Variants in TSPAN32 observed in about 807,000 individuals in gnomAD.
TSPAN32 encodes the protein tetraspanin-32.
Under a neutral mutation model 42.7 loss-of-function variants are expected in TSPAN32, and 47 were observed. The observed-to-expected ratio is 1.10, with a 90% CI of 0.87 to 1.40. The LOEUF (loss-of-function observed/expected upper bound fraction) is 1.40. Ranked by LOEUF, TSPAN32 falls within the 40% of genes most tolerant of loss-of-function variation. The pLI is 0.00. For missense variants in TSPAN32, 469 were observed against 424.1 expected, an observed-to-expected ratio of 1.11 and a Z score of -0.93; for synonymous variants, 175 against 175.9, an observed-to-expected ratio of 0.99 and a Z score of 0.04.
intron 3 of TSPAN32, among the ~76,000 whole-genome samples, chr11:2,305,767 T>C (rs1371490828): frequency 6.6e-6 from 1 of 152,160 alleles, no homozygotes; most frequent in East Asian, 1.9e-4. Context: ...CCCAACTGGA[T>C]GCCTGCACTG....
intron 6 of TSPAN32, 43 bp downstream of exon 6, chr11:2,314,614 G>A: frequency 6.6e-7 from 1 of 1,522,088 alleles, no homozygotes; most frequent in Non-Finnish European, 9.0e-7. Flanking sequence ...GACCCTCGGG[G>A]GCTGGACACC....
chr11:2,315,160 T>TGCCCCCC, intron 6 of TSPAN32: 1 of 646,458 alleles, frequency 1.5e-6, no homozygotes, highest in Non-Finnish European at 2.1e-6. Context: ...CCGGCAGCCC[T>TGCCCCCC]CCCCCAGCCC....
At position 2,302,868 on chromosome 11, in the gene TSPAN32, A is replaced by G; in HGVS notation, c.91A>G (p.Met31Val). The change falls in exon 2 of 10, where the codon ATG becomes GTG. Residue 31 changes from methionine to valine, a missense_variant. Met to Val is a conservative substitution (Grantham distance 21, BLOSUM62 1). Coordinates refer to ENST00000182290, the MANE Select transcript of TSPAN32 (RefSeq NM_139022.3). ...GCTGCTGGGCCTCTCTGTGGCCACC[A>G]TGGTGACTCTTACCTACTTCGGGGC... ...ILLLGLSVAT[M>V]VTLTYFGAHF... 1 of 1,613,560 alleles carries G rather than the reference A, an allele frequency of 6.2e-7. No individual in the cohort carries two copies.
intron 6 of TSPAN32, chr11:2,315,160 T>TACCCCC: frequency 1.2e-5 from 8 of 646,458 alleles, no homozygotes; most frequent in Non-Finnish European, 1.7e-5. Flanking sequence ...CCGGCAGCCC[T>TACCCCC]CCCCCAGCCC....
At position 2,314,648 on chromosome 11, in the gene TSPAN32, G is replaced by A. The variant is rs1268756698; in HGVS notation, c.543+77G>A. The A allele has an allele frequency of 4.1e-6, 5 of 1,223,988 alleles. No individual in the cohort carries two copies. In the Admixed American group the frequency reaches 8.0e-5, roughly 20 times the overall value. The allele number at this position is 1,223,988 out of a possible 1,614,324, so 75.8% of individuals were successfully genotyped here. A position where few individuals can be genotyped will look rare whatever the true frequency, so the allele number is the denominator to read the frequency against. On this transcript the variant is annotated intron_variant, in intron 6 of 9. Coordinates refer to ENST00000182290, the MANE Select transcript of TSPAN32 (RefSeq NM_139022.3). ...CCCTGGGGCCCAACCCCAAGACCCA[G>A]GGCCATCCTCCCACCCCACCCCTTG... is the stretch of plus-strand genomic sequence containing the variant.
chr11:2,317,351 G>C lies in TSPAN32; in HGVS notation c.727G>C (p.Gly243Arg). The change falls in exon 9 of 10, where the codon GGC (glycine) becomes CGC (arginine). Residue 243 changes from glycine to arginine, a missense_variant. Gly to Arg is a moderately radical substitution (Grantham distance 125). Coordinates refer to ENST00000182290, the MANE Select transcript of TSPAN32 (RefSeq NM_139022.3). The surrounding 1 kb of genome is among the most constrained non-coding windows in gnomAD (Gnocchi z 6.2). ...GATCCCCTTGCTCCTCAGAGCATGT[G>C]GCCGCCAGCCCCAGGAGCCCAGCCT... is the stretch of plus-strand genomic sequence containing the variant. ...GKYTLTPRAC[G>R]RQPQEPSLLR... 6.3e-7 allele frequency: 1 copy of C among 1,589,786 alleles called. No homozygotes were observed. The highest frequency in any genetic ancestry group is 8.6e-7 in the Non-Finnish European group (1 of 1,168,338).
At chr11:2,307,614 G>A (rs932354142) in intron 3 of TSPAN32, among the ~76,000 whole-genome samples, 1 of 152,314 alleles carries the variant, frequency 6.6e-6, no homozygotes, top group East Asian at 1.9e-4. Context: ...TGTATCGGGG[G>A]CATCTGTATG....
intron 4 of TSPAN32, among the ~76,000 whole-genome samples, chr11:2,311,129 G>T (rs901466349): frequency 1.3e-5 from 2 of 152,186 alleles, no homozygotes. Flanking sequence ...TGAACACAGG[G>T]TCAGGGTGAC....
At position 2,313,306 on chromosome 11, in the gene TSPAN32, G is replaced by A. The variant is rs528176585; in HGVS notation, c.355-348G>A. On this transcript the variant is annotated intron_variant, in intron 4 of 9. Coordinates refer to ENST00000182290, the MANE Select transcript of TSPAN32 (RefSeq NM_139022.3). This position sits in a 1 kb window ranked among gnomAD's most constrained non-coding sequence, Gnocchi z 9.1. The stretch of plus-strand genomic sequence containing the variant: ...AGGCCCAGCCCCATCCCCCATTTCC[G>A]GGTCAACAGTAGCGTGCTGGAAACT... 4.3e-4 allele frequency among the ~76,000 whole-genome samples: 66 copies of A among 152,260 alleles called. No individual in the cohort carries two copies. The highest frequency in any genetic ancestry group is 1.3e-3 in the African/African-American group (55 of 41,554).
In TSPAN32 at chr11:2,302,073, G is replaced by A; in HGVS notation, c.-77G>A. On this transcript the variant is annotated 5_prime_UTR_variant, in exon 1 of 10. Coordinates refer to ENST00000182290, the MANE Select transcript of TSPAN32 (RefSeq NM_139022.3). ...CAGCCTACCTCCTGGGCAGTGAGCTGCGGTCTGAGGCCCCTGCCCAGCTGG... is the reference window on the plus strand; with the variant it reads ...CAGCCTACCTCCTGGGCAGTGAGCTACGGTCTGAGGCCCCTGCCCAGCTGG... The A allele has an allele frequency of 6.7e-7, 1 of 1,490,580 alleles. No homozygotes were observed. The highest frequency in any genetic ancestry group is 2.4e-5 in the East Asian group (1 of 42,460). The allele number at this position is 1,490,580 out of a possible 1,614,324, so 92.3% of individuals were successfully genotyped here. A position where few individuals can be genotyped will look rare whatever the true frequency, so the allele number is the denominator to read the frequency against.
intron 6 of TSPAN32, chr11:2,315,612 G>A: frequency 8.5e-7 from 1 of 1,181,634 alleles, no homozygotes. Flanking sequence ...AGACCTGCCT[G>A]CGGGGGACAG....
In TSPAN32 at chr11:2,303,972, G is replaced by C. The variant is rs568023017; in HGVS notation, c.182-135G>C. On this transcript the variant is annotated intron_variant, in intron 2 of 9. Coordinates refer to ENST00000182290, the MANE Select transcript of TSPAN32 (RefSeq NM_139022.3). ...CCTTCCCTCAGGGCCGTCTGATGGA[G>C]AGACAGGCCCATTCAGAGCCCCCCA... is the stretch of plus-strand genomic sequence containing the variant. 16 of 638,738 alleles carry C rather than the reference G, an allele frequency of 2.5e-5. No individual in the cohort carries two copies. The Admixed American group carries it at 4.1e-4, about 16-fold the overall frequency. 39.6% of individuals were successfully genotyped at this position (638,738 alleles called of 1,614,324 possible).
At position 2,313,573 on chromosome 11, in the gene TSPAN32, C is replaced by A; in HGVS notation, c.355-81C>A. 2 of 1,131,036 alleles carry A rather than the reference C, an allele frequency of 1.8e-6. No homozygotes were observed. Among genetic ancestry groups the A allele is most frequent in the Non-Finnish European group, 2.6e-6 (2 of 780,112 alleles). 70.1% of individuals were successfully genotyped at this position (1,131,036 alleles called of 1,614,324 possible). ...TCACTCAGCACTAAGGGCCCACTAG[C>A]GTTTGGGATGTCGTGGGGAGGGGGC... On this transcript the variant is annotated intron_variant, in intron 4 of 9. Coordinates refer to ENST00000182290, the MANE Select transcript of TSPAN32 (RefSeq NM_139022.3). The surrounding 1 kb of genome is among the most constrained non-coding windows in gnomAD (Gnocchi z 9.1).
intron 6 of TSPAN32, chr11:2,314,960 G>A (rs1848692013): frequency 3.2e-6 from 1 of 311,758 alleles, no homozygotes; most frequent in Non-Finnish European, 6.2e-6. Context: ...GGTGTGGTGG[G>A]CTCTGTCTAG....
In TSPAN32 at chr11:2,304,074, C is replaced by A. The variant is rs2133290668; in HGVS notation, c.182-33C>A. 6.5e-7 allele frequency: 1 copy of A among 1,530,406 alleles called. No homozygotes were observed. Among genetic ancestry groups the A allele is most frequent in the Admixed American group, 1.9e-5 (1 of 51,408 alleles). The allele number at this position is 1,530,406 out of a possible 1,614,324, so 94.8% of individuals were successfully genotyped here. A position where few individuals can be genotyped will look rare whatever the true frequency, so the allele number is the denominator to read the frequency against. On this transcript the variant is annotated intron_variant, in intron 2 of 9. Transcript: ENST00000182290. The surrounding 1 kb of genome is among the most constrained non-coding windows in gnomAD (Gnocchi z 4.8). ...GTGCACTCAGGACCTGTCCTGGGCA[C>A]CCCTAACCCTCCTCCTCTCTCCTCC... is the stretch of plus-strand genomic sequence containing the variant.
In TSPAN32 at chr11:2,316,107, G is replaced by T. The variant is rs368410533; in HGVS notation, c.544-122G>T. On this transcript the variant is annotated intron_variant, in intron 6 of 9. Transcript: ENST00000182290. The stretch of plus-strand genomic sequence containing the variant: ...GGCTTCCTAGGAATGTGCCGCACCC[G>T]CCGCCCTGCTGCCCTGGCATTGGCC... The T allele has an allele frequency of 9.8e-6, 15 of 1,525,546 alleles. No individual in the cohort carries two copies. The South Asian group carries it at 1.3e-4, about 13-fold the overall frequency. The allele number at this position is 1,525,546 out of a possible 1,614,324, so 94.5% of individuals were successfully genotyped here.
At chr11:2,316,396 C>A (rs752238139) in intron 7 of TSPAN32, 84 bp downstream of exon 7, 6 of 1,545,064 alleles carry the variant, frequency 3.9e-6, no homozygotes, top group African/African-American at 2.7e-5. Flanking sequence ...AAGGGTGACC[C>A]GGGACAGGAT....
At position 2,317,500 on chromosome 11, in the gene TSPAN32, C is replaced by T. The variant is rs200348092; in HGVS notation, c.876C>T (p.Leu292=). 8.8e-6 allele frequency: 14 copies of T among 1,588,486 alleles called. No homozygotes were observed. The East Asian group carries it at 3.2e-4, about 36-fold the overall frequency. ...AGAGCGATGCTGCGCCTCTGCCCCT[C>T]TCCTGCCACCTGGCTGCCCACAGAG... The part of the protein sequence containing the change: ...LQESDAAPLP[L]SCHLAAHRAL... The change falls in exon 9 of 10, where the codon CTC becomes CTT. Residue 292 remains leucine, a synonymous_variant. Transcript: ENST00000182290. The surrounding 1 kb of genome is among the most constrained non-coding windows in gnomAD (Gnocchi z 6.2).
At chr11:2,316,720 T>TCGAG in intron 8 of TSPAN32, 53 bp downstream of exon 8, 1 of 1,489,156 alleles carries the variant, frequency 6.7e-7, no homozygotes, top group South Asian at 1.4e-5. Flanking sequence ...CCAGCTCTGC[T>TCGAG]CGAGAGGCAT....
Sources: allele counts gnomAD v4.1 joint callset (sites outside exome capture counted in the v4.1 genomes callset), GRCh38; gene constraint gnomAD v4.1.1; non-coding constraint Gnocchi (gnomAD v3.1); transcripts MANE v1.5; gene names NCBI Gene and HGNC (gene_info 2026-07-23, HGNC 2026-07-21).